Variants in DYNC2LI1 observed in about 807,000 individuals in gnomAD.
The protein encoded by DYNC2LI1 is dynein cytoplasmic 2 light intermediate chain 1.
In DYNC2LI1, 45 loss-of-function variants were observed where a neutral mutation model predicts 51.9. The ratio of observed to expected loss-of-function variants is 0.87; its 90% CI spans 0.68 to 1.11. DYNC2LI1 has a LOEUF of 1.11. Among genes scored for constraint, DYNC2LI1 ranks in the 50% most tolerant of loss-of-function variants. DYNC2LI1 has a pLI of 0.00. For synonymous variants in DYNC2LI1, 130 were observed against 137.8 expected (o/e 0.94, Z 0.40); for missense variants, 490 against 417.4 (o/e 1.17, Z -1.51).
At chr2:43,816,494 T>C in the DYNC2LI1 span, among the ~76,000 whole-genome samples, 1 of 152,180 alleles carries the variant, frequency 6.6e-6, no homozygotes, top group Non-Finnish European at 1.5e-5. Context: ...GGAGGAACCA[T>C]AGATCTGGAT....
the DYNC2LI1 span, chr2:43,823,944 C>T: frequency 8.6e-5 from 139 of 1,614,044 alleles, no homozygotes; most frequent in Non-Finnish European, 1.1e-4. Context: ...TGCCTGTGTA[C>T]GGGGTGGCGC....
At position 43,774,110 on chromosome 2, in the gene DYNC2LI1, T is replaced by A; in HGVS notation, c.-29T>A. The A allele has an allele frequency of 6.2e-7, 1 of 1,613,770 alleles. No homozygotes were observed. The highest frequency in any genetic ancestry group is 2.2e-5 in the East Asian group (1 of 44,852). The stretch of plus-strand genomic sequence containing the variant: ...TAGGCTGGTCACTACTCCGAGCCTG[T>A]GACGTTTGCGGCAGCCAGGCCGTCG... On this transcript the variant is annotated 5_prime_UTR_variant, in exon 1 of 13. Coordinates refer to ENST00000260605, the MANE Select transcript of DYNC2LI1 (RefSeq NM_016008.4).
At chr2:43,817,525 C>A in the DYNC2LI1 span, among the ~76,000 whole-genome samples, 1 of 151,712 alleles carries the variant, frequency 6.6e-6, no homozygotes, top group Non-Finnish European at 1.5e-5. Context: ...GAGCAACTAA[C>A]CTCCTTTTCC....
At chr2:43,815,875 A>G in the DYNC2LI1 span, among the ~76,000 whole-genome samples, 5 of 144,860 alleles carry the variant, frequency 3.5e-5, no homozygotes, top group African/African-American at 1.3e-4. Flanking sequence ...AGCAAGAAGG[A>G]TGGCTAGAAT....
chr2:43,809,674 T>C, intron 12 of DYNC2LI1, 31 bp from the exon 13 acceptor site: 1 of 1,550,384 alleles, frequency 6.5e-7, no homozygotes, highest in Non-Finnish European at 8.8e-7. Context: ...AAAGTTGATT[T>C]TTCTTAAAGT....
chr2:43,818,148 G>T, the DYNC2LI1 span, among the ~76,000 whole-genome samples: 1 of 151,890 alleles, frequency 6.6e-6, no homozygotes, highest in Admixed American at 6.6e-5. Flanking sequence ...TGATTGTATG[G>T]CTACTCAAAA....
rs370396337 is a variant in DYNC2LI1 at position 43,799,530 on chromosome 2, C to CTA, written c.655-1311_655-1310insTA. ...TATTCTAAGGTCCAGAAAAAGGAAT[C>CTA]AATAGAGTTTACTCAAAATATGAAA... On this transcript the variant is annotated intron_variant, in intron 8 of 12. Coordinates refer to ENST00000260605, the MANE Select transcript of DYNC2LI1 (RefSeq NM_016008.4). Among the ~76,000 whole-genome samples, 831 of 152,246 alleles carry CTA rather than the reference C, an allele frequency of 5.5e-3. 6 individuals carry two copies. Among genetic ancestry groups the CTA allele is most frequent in the African/African-American group, 0.019 (793 of 41,564 alleles).
At chr2:43,817,264 C>T in the DYNC2LI1 span, among the ~76,000 whole-genome samples, 2 of 152,144 alleles carry the variant, frequency 1.3e-5, no homozygotes, top group Non-Finnish European at 2.9e-5. Context: ...GCAGGGAAAT[C>T]ACTTGAAGTC....
the DYNC2LI1 span, chr2:43,820,210 T>A: frequency 1.5e-6 from 2 of 1,330,770 alleles, no homozygotes; most frequent in Non-Finnish European, 2.1e-6. Context: ...GGGAGAAGTT[T>A]GCAGGGCAAG....
chr2:43,780,874 C>G (rs1673249420), intron 2 of DYNC2LI1, among the ~76,000 whole-genome samples: 1 of 151,994 alleles, frequency 6.6e-6, no homozygotes. Flanking sequence ...TGAACTTGTA[C>G]TAGGTCAATG....
chr2:43,799,617 G>T (rs1160268166), intron 8 of DYNC2LI1, among the ~76,000 whole-genome samples: 1 of 152,246 alleles, frequency 6.6e-6, no homozygotes, highest in South Asian at 2.1e-4. Context: ...GAGTTTCCAG[G>T]CATTGAGTTT....
chr2:43,780,556 T>G (rs189692518), intron 2 of DYNC2LI1, among the ~76,000 whole-genome samples: 2 of 152,216 alleles, frequency 1.3e-5, no homozygotes, highest in South Asian at 2.1e-4. Flanking sequence ...ATAAATAGCT[T>G]CGTTTAACAA....
At chr2:43,798,066 G>A (rs898971373) in intron 8 of DYNC2LI1, among the ~76,000 whole-genome samples, 2 of 151,938 alleles carry the variant, frequency 1.3e-5, no homozygotes, top group Non-Finnish European at 2.9e-5. Flanking sequence ...GGTCAAGGCT[G>A]CAGTGAACCA....
chr2:43,819,481 C>CT, the DYNC2LI1 span, among the ~76,000 whole-genome samples: 292 of 143,108 alleles, frequency 2.0e-3, no homozygotes, highest in East Asian at 7.5e-3. Context: ...ATCCTGCAGG[C>CT]TTTTTTTTTT....
chr2:43,791,404 T>C (rs1371609463), intron 5 of DYNC2LI1, among the ~76,000 whole-genome samples: 4 of 152,132 alleles, frequency 2.6e-5, no homozygotes, highest in African/African-American at 9.7e-5. Context: ...CTGCTGGGGT[T>C]GTGGAAATTC....
intron 8 of DYNC2LI1, 67 bp from the exon 9 acceptor site, chr2:43,800,773 TA>T: frequency 3.7e-6 from 3 of 815,876 alleles, no homozygotes; most frequent in South Asian, 4.0e-5. Context: ...TTCAAAGCCA[TA>T]TTTATTTTAC....
chr2:43,818,086 T>C, the DYNC2LI1 span, among the ~76,000 whole-genome samples: 1 of 152,178 alleles, frequency 6.6e-6, no homozygotes, highest in Non-Finnish European at 1.5e-5. Context: ...ATGTAATTTG[T>C]TGAATATTTA....
At chr2:43,780,650 T>C (rs978544975) in intron 2 of DYNC2LI1, among the ~76,000 whole-genome samples, 1 of 152,138 alleles carries the variant, frequency 6.6e-6, no homozygotes, top group East Asian at 1.9e-4. Context: ...GGCTGAGATA[T>C]TGGGGAGTTT....
At chr2:43,787,293 A>G in intron 4 of DYNC2LI1, 43 bp downstream of exon 4, 1 of 1,476,464 alleles carries the variant, frequency 6.8e-7, no homozygotes, top group East Asian at 2.3e-5. Flanking sequence ...CATAGATGGG[A>G]AAGTAATGCT....
Sources: allele counts gnomAD v4.1 joint callset (sites outside exome capture counted in the v4.1 genomes callset), GRCh38; gene constraint gnomAD v4.1.1; transcripts MANE v1.5; gene names NCBI Gene and HGNC (gene_info 2026-07-23, HGNC 2026-07-21).